DISP1: variants seen among roughly 807,000 people sequenced by gnomAD.
DISP1 encodes protein dispatched homolog 1.
In DISP1, 30 loss-of-function variants were observed where a neutral mutation model predicts 37.3. The observed-to-expected ratio is 0.80, with a 90% confidence interval of 0.60 to 1.09. DISP1 has a LOEUF of 1.09. Among genes scored for constraint, DISP1 ranks in the 50% least tolerant of loss-of-function variants. The probability of loss-of-function intolerance (pLI) is 0.00; values close to 1 mark genes in which losing one functional copy is unlikely to be tolerated. For synonymous variants in DISP1, 634 were observed against 690.2 expected (o/e 0.92, Z 1.28); for missense variants, 1,598 against 1,879.5 (o/e 0.85, Z 2.77).
intron 1 of DISP1, among the ~76,000 whole-genome samples, chr1:222,876,172 A>G (rs1329398267): frequency 6.6e-6 from 1 of 152,188 alleles, no homozygotes; most frequent in Non-Finnish European, 1.5e-5. Context: ...TAAATTTTTA[A>G]CTGCTAATCT....
chr1:222,969,789 A>G (rs984531720), intron 3 of DISP1, among the ~76,000 whole-genome samples: 27 of 152,268 alleles, frequency 1.8e-4, no homozygotes, highest in African/African-American at 6.0e-4. Flanking sequence ...ACAATGTTTT[A>G]TCTGTGTAGT....
At chr1:222,931,742 G>T (rs994346999) in intron 2 of DISP1, among the ~76,000 whole-genome samples, 4 of 150,454 alleles carry the variant, frequency 2.7e-5, no homozygotes, top group African/African-American at 4.9e-5. Flanking sequence ...TTTATTAGAG[G>T]ATCTTGAGCC....
chr1:222,899,643 A>G (rs1671473158), intron 1 of DISP1: 1 of 152,156 alleles, frequency 6.6e-6, no homozygotes, highest in African/African-American at 2.4e-5. Context: ...CAGTGGCATG[A>G]TCATAGTTCG....
chr1:222,984,034 G>A (rs1678035327), intron 4 of DISP1, among the ~76,000 whole-genome samples: 1 of 152,072 alleles, frequency 6.6e-6, no homozygotes, highest in Non-Finnish European at 1.5e-5. Flanking sequence ...TGTCTTTGAA[G>A]TGAAATTACT....
Position 223,004,025 on chromosome 1 carries a change from C to G in DISP1, c.2628C>G (p.His876Gln). ...CTGCCCTGTACCCATGCTGCAGCCA[C>G]TGGAGCTTCCCCTACAAGCAAGAGA... ...DEPALYPCCSHWSFPYKQEIF... is the reference protein window; with the variant it reads ...DEPALYPCCSQWSFPYKQEIF... Residue 876 changes from histidine (H) to glutamine (Q), a missense_variant, in exon 9 of 9, where the codon CAC (histidine) becomes CAG (glutamine). By Grantham distance (24) the His-to-Gln change is conservative (BLOSUM62 0). Coordinates refer to ENST00000675850, the MANE Select transcript of DISP1 (RefSeq NM_001377229.1). This position sits in a 1 kb window ranked among gnomAD's most constrained non-coding sequence, Gnocchi z 4.9. 6.2e-7 allele frequency: 1 copy of G among 1,614,188 alleles called. No homozygotes were observed. The highest frequency in any genetic ancestry group is 1.3e-5 in the African/African-American group (1 of 75,044).
chr1:222,836,651 A>G (rs1343891845), intron 1 of DISP1, among the ~76,000 whole-genome samples: 1 of 152,002 alleles, frequency 6.6e-6, no homozygotes, highest in Non-Finnish European at 1.5e-5. Flanking sequence ...CTTTCCACCT[A>G]AGGGAAGGAA....
chr1:222,825,723 G>A (rs906718305), intron 1 of DISP1, among the ~76,000 whole-genome samples: 6 of 151,950 alleles, frequency 3.9e-5, no homozygotes, highest in African/African-American at 4.8e-5. Flanking sequence ...GGCTGGTCTC[G>A]AACTCCTGGC....
chr1:222,993,789 G>A (rs191768968), intron 7 of DISP1, among the ~76,000 whole-genome samples: 1 of 152,236 alleles, frequency 6.6e-6, no homozygotes, highest in African/African-American at 2.4e-5. Flanking sequence ...ATAGTCAACA[G>A]TAAATGCTGT....
chr1:222,917,670 G>A (rs1460342018), intron 1 of DISP1, among the ~76,000 whole-genome samples: 2 of 152,214 alleles, frequency 1.3e-5, no homozygotes, highest in Non-Finnish European at 2.9e-5. Context: ...GAACAGAAGA[G>A]GGAGGATGAA....
intron 8 of DISP1, among the ~76,000 whole-genome samples, chr1:222,995,331 C>T (rs1481279705): frequency 6.6e-6 from 1 of 152,038 alleles, no homozygotes; most frequent in Non-Finnish European, 1.5e-5. Context: ...TTTCATTGTT[C>T]CCTATTTCCT....
chr1:222,854,645 C>T (rs537252170), intron 1 of DISP1, among the ~76,000 whole-genome samples: 1 of 152,082 alleles, frequency 6.6e-6, no homozygotes, highest in South Asian at 2.1e-4. Context: ...GACACTGATC[C>T]TTTTATGTTA....
chr1:222,908,366 A>T (rs1027447102), intron 1 of DISP1, among the ~76,000 whole-genome samples: 3 of 152,168 alleles, frequency 2.0e-5, no homozygotes, highest in African/African-American at 4.8e-5. Context: ...AAAAATTTTT[A>T]AAAAGGGTTG....
chr1:222,975,587 C>T (rs1677256160), intron 3 of DISP1, among the ~76,000 whole-genome samples: 1 of 152,036 alleles, frequency 6.6e-6, no homozygotes, highest in Non-Finnish European at 1.5e-5. Context: ...TAAAAATTTC[C>T]CTTGCCTCTG....
intron 1 of DISP1, among the ~76,000 whole-genome samples, chr1:222,819,365 A>G (rs1043957114): frequency 6.6e-6 from 1 of 152,130 alleles, no homozygotes; most frequent in Non-Finnish European, 1.5e-5. Flanking sequence ...ATCAAAATTC[A>G]TAGCCCAGTT....
intron 1 of DISP1, among the ~76,000 whole-genome samples, chr1:222,901,029 G>A (rs1671547993): frequency 6.6e-6 from 1 of 152,160 alleles, no homozygotes; most frequent in Non-Finnish European, 1.5e-5. Flanking sequence ...ATGAGAGGAA[G>A]TGGAATATAG....
chr1:222,977,216 C>T (rs1368697663), intron 3 of DISP1, among the ~76,000 whole-genome samples: 1 of 149,972 alleles, frequency 6.7e-6, no homozygotes, highest in Admixed American at 6.7e-5. Context: ...TTTTTTTTAG[C>T]AGAGATGGGG....
At chr1:222,878,209 T>G (rs1419038395) in intron 1 of DISP1, among the ~76,000 whole-genome samples, 1 of 152,220 alleles carries the variant, frequency 6.6e-6, no homozygotes, top group Non-Finnish European at 1.5e-5. Flanking sequence ...GGTGAACTAG[T>G]GCAGAGCAAT....
chr1:222,985,266 A>G (rs1363934289), intron 4 of DISP1, among the ~76,000 whole-genome samples: 1 of 152,230 alleles, frequency 6.6e-6, no homozygotes, highest in Non-Finnish European at 1.5e-5. Context: ...TCTTCAACAA[A>G]GCCTTTCCTG....
chr1:222,958,797 A>T (rs966496440), intron 3 of DISP1, among the ~76,000 whole-genome samples: 4 of 152,164 alleles, frequency 2.6e-5, no homozygotes, highest in African/African-American at 9.6e-5. Flanking sequence ...AGGTTTCAAA[A>T]TGGGAAAAGA....
Sources: allele counts gnomAD v4.1 joint callset (sites outside exome capture counted in the v4.1 genomes callset), GRCh38; gene constraint gnomAD v4.1.1; non-coding constraint Gnocchi (gnomAD v3.1); transcripts MANE v1.5; gene names NCBI Gene and HGNC (gene_info 2026-07-23, HGNC 2026-07-21).